BCLAF3: variants seen among roughly 807,000 people sequenced by gnomAD.
BCLAF3 encodes transient octamer binding factor 1.
BCLAF3 carries 24 observed loss-of-function variants against 51.2 expected under a neutral mutation model. The observed-to-expected ratio is 0.47, with a 90% CI of 0.34 to 0.66. The LOEUF (loss-of-function observed/expected upper bound fraction) is 0.66, where lower values mean the gene tolerates loss of function less well. Among genes scored for constraint, BCLAF3 ranks in the 30% least tolerant of loss-of-function variants. The pLI is 0.01. For synonymous variants in BCLAF3, 152 were observed against 176.6 expected, an observed-to-expected ratio of 0.86 and a Z score of 1.10; for missense variants, 465 against 525.1, an observed-to-expected ratio of 0.89 and a Z score of 1.12.
chrX:19,951,563 T>G (rs1409410143), intron 7 of BCLAF3, among the ~76,000 whole-genome samples: 1 of 87,675 alleles, frequency 1.1e-5, no homozygotes, highest in African/African-American at 5.3e-5. Flanking sequence ...ACCACTGCAC[T>G]CCAGCCAGGG....
At chrX:19,920,684 G>C (rs1396703434) in intron 11 of BCLAF3, among the ~76,000 whole-genome samples, 1 of 109,816 alleles carries the variant, frequency 9.1e-6, no homozygotes, top group Admixed American at 9.8e-5. Flanking sequence ...AGCCGGATGT[G>C]GTGGCACACA....
intron 8 of BCLAF3, among the ~76,000 whole-genome samples, chrX:19,946,531 C>G (rs2071306319): frequency 9.0e-6 from 1 of 111,149 alleles, no homozygotes; most frequent in Non-Finnish European, 1.9e-5. Flanking sequence ...CTCTTACAGT[C>G]CACTCTCCAC....
Position 19,917,279 on chromosome X carries a change from G to A in BCLAF3, c.*26C>T, listed in dbSNP as rs200059450. 7.6e-6 allele frequency: 9 copies of A among 1,186,762 alleles called. No homozygotes were observed. Among genetic ancestry groups the A allele is most frequent in the East Asian group, 3.0e-5 (1 of 33,506 alleles). On this transcript the variant is annotated 3_prime_UTR_variant, in exon 12 of 12. Transcript: ENST00000379682. ...ATGCTCCCAAACATCCTCCTGTAGCGTCATTTCCATTTGTACGATTTCAGA... is the reference window on the plus strand; with the variant it reads ...ATGCTCCCAAACATCCTCCTGTAGCATCATTTCCATTTGTACGATTTCAGA...
chrX:19,957,897 A>G (rs908312093), intron 4 of BCLAF3, among the ~76,000 whole-genome samples: 7 of 112,077 alleles, frequency 6.2e-5, no homozygotes, highest in African/African-American at 2.3e-4. Flanking sequence ...AAAATGTTCT[A>G]AATATTTATA....
At chrX:19,972,148 A>C (rs1300064490) in intron 1 of BCLAF3, among the ~76,000 whole-genome samples, 1 of 112,426 alleles carries the variant, frequency 8.9e-6, no homozygotes, top group Admixed American at 9.4e-5. Context: ...TAAAACACTA[A>C]AGGAAAAAAT....
Position 19,975,712 on chromosome X carries a change from C to A in BCLAF3, c.-34-5414G>T, listed in dbSNP as rs181755571. Among the ~76,000 whole-genome samples, 348 of 111,994 alleles carry A rather than the reference C, an allele frequency of 3.1e-3. 1 individual carries two copies. The highest frequency in any genetic ancestry group is 5.5e-3 in the Non-Finnish European group (293 of 53,170). On this transcript the variant is annotated intron_variant, in intron 1 of 11. Transcript: ENST00000379682. ...AATATGTTGCCAGGCTGGTCTCAAA[C>A]TCTTAGGCTCAAGCGATCCTCCTGC... is the stretch of plus-strand genomic sequence containing the variant.
intron 2 of BCLAF3, among the ~76,000 whole-genome samples, chrX:19,967,644 T>C (rs753286508): frequency 8.9e-6 from 1 of 111,866 alleles, no homozygotes; most frequent in African/African-American, 3.2e-5. Context: ...TTCCACCATC[T>C]GAGCTGCCCA....
intron 1 of BCLAF3, among the ~76,000 whole-genome samples, chrX:19,978,265 T>C (rs1019082505): frequency 8.9e-6 from 1 of 112,105 alleles, no homozygotes; most frequent in Non-Finnish European, 1.9e-5. Context: ...GGAAAGTCAA[T>C]TGAAAACCTT....
chrX:19,958,231 C>T (rs2071731756), intron 4 of BCLAF3, among the ~76,000 whole-genome samples: 1 of 111,704 alleles, frequency 9.0e-6, no homozygotes, highest in South Asian at 3.7e-4. Flanking sequence ...TGGGTAATAA[C>T]CAAGAAAATG....
At chrX:19,926,718 C>T in intron 11 of BCLAF3, among the ~76,000 whole-genome samples, 1 of 111,076 alleles carries the variant, frequency 9.0e-6, no homozygotes, top group Non-Finnish European at 1.9e-5. Context: ...GAAGGCCTGC[C>T]TCAGCCATTT....
At position 19,976,816 on chromosome X, in the gene BCLAF3, T is replaced by C. The variant is rs150253727; in HGVS notation, c.-34-6518A>G. The stretch of plus-strand genomic sequence containing the variant: ...CTGCCTTACTGCGCTTCACAGATAC[T>C]GCATTTTTTACAAATGCAGAATTTT... On this transcript the variant is annotated intron_variant, in intron 1 of 11. Coordinates refer to ENST00000379682, the MANE Select transcript of BCLAF3 (RefSeq NM_001367774.2). Among the ~76,000 whole-genome samples, 857 of 112,188 alleles carry C rather than the reference T, an allele frequency of 7.6e-3. 4 individuals are homozygous for C. The highest frequency in any genetic ancestry group is 0.011 in the Non-Finnish European group (569 of 53,279).
At chrX:19,955,709 T>G in intron 4 of BCLAF3, 143 bp from the exon 5 acceptor site, 1 of 437,757 alleles carries the variant, frequency 2.3e-6, no homozygotes, top group African/African-American at 2.5e-5. Flanking sequence ...CCATAAAACA[T>G]GTACAATAAC....
chrX:19,913,805 G>C lies in BCLAF3; in HGVS notation c.*3500C>G, dbSNP rs918340495. 1.2e-5 allele frequency: 1 copy of C among 85,256 alleles called. No homozygotes were observed. Among genetic ancestry groups the C allele is most frequent in the Non-Finnish European group, 2.0e-5 (1 of 48,895 alleles). The allele number at this position is 85,256 out of a possible 1,213,427, so 7.0% of individuals were successfully genotyped here. On this transcript the variant is annotated 3_prime_UTR_variant, in exon 12 of 12. Coordinates refer to ENST00000379682, the MANE Select transcript of BCLAF3 (RefSeq NM_001367774.2). ...GACACCTGGCCATGAATGATGAGAC[G>C]GTTAGTTCTTAAGTCTTTATCCCAC...
chrX:19,969,756 T>C (rs1461895793), intron 2 of BCLAF3, among the ~76,000 whole-genome samples: 4 of 111,611 alleles, frequency 3.6e-5, no homozygotes, highest in African/African-American at 1.3e-4. Context: ...ACTGGTTAAA[T>C]TGTTCCAATC....
intron 2 of BCLAF3, among the ~76,000 whole-genome samples, chrX:19,969,036 C>G (rs2072164940): frequency 8.9e-6 from 1 of 111,877 alleles, no homozygotes; most frequent in Admixed American, 9.4e-5. Context: ...TGGCGTGAAC[C>G]CGGGAGACGG....
At chrX:19,977,592 G>T (rs1016581982) in intron 1 of BCLAF3, among the ~76,000 whole-genome samples, 1 of 112,430 alleles carries the variant, frequency 8.9e-6, no homozygotes, top group Admixed American at 9.4e-5. Flanking sequence ...GGCTTGTGAC[G>T]TTTAAGGAAA....
intron 7 of BCLAF3, among the ~76,000 whole-genome samples, chrX:19,951,847 G>A (rs1429576325): frequency 9.0e-6 from 1 of 110,793 alleles, no homozygotes; most frequent in Non-Finnish European, 1.9e-5. Flanking sequence ...AGGATCACTT[G>A]AGCCCAGGAG....
At chrX:19,949,156 A>C (rs1157535324) in intron 8 of BCLAF3, among the ~76,000 whole-genome samples, 1 of 111,579 alleles carries the variant, frequency 9.0e-6, no homozygotes, top group Non-Finnish European at 1.9e-5. Context: ...ACACTACCAC[A>C]CTGTCCTCAA....
rs2072207418 is a variant in BCLAF3, at chrX:19,970,115, C to A, written c.41+109G>T. ...ATACAACCTCCACTATGATAAAGTA[C>A]CTACTGTGAATAACCAGGTCCCATG... is the stretch of plus-strand genomic sequence containing the variant. On this transcript the variant is annotated intron_variant, in intron 2 of 11. Transcript: ENST00000379682. 4.8e-6 allele frequency: 3 copies of A among 622,103 alleles called. No homozygotes were observed. The East Asian group carries it at 9.7e-5, about 20-fold the overall frequency. 51.3% of individuals were successfully genotyped at this position (622,103 alleles called of 1,213,427 possible). A position where few individuals can be genotyped will look rare whatever the true frequency, so the allele number is the denominator to read the frequency against.
Sources: gnomAD v4.1 joint callset for allele counts (sites outside exome capture counted in the v4.1 genomes callset) on GRCh38, gnomAD v4.1.1 for gene constraint, MANE v1.5 for transcripts, NCBI Gene and HGNC (gene_info 2026-07-23, HGNC 2026-07-21) for gene names.